Variants in RGPD3 observed in about 807,000 individuals in gnomAD.
RGPD3 encodes ranBP2-like and GRIP domain-containing protein 3.
Under a neutral mutation model 154.5 loss-of-function variants are expected in RGPD3, and 62 were observed. The observed-to-expected ratio is 0.40, with a 90% CI of 0.33 to 0.50. The LOEUF (loss-of-function observed/expected upper bound fraction) is 0.50. Ranked by LOEUF, RGPD3 falls within the 20% of genes least tolerant of loss-of-function variation. RGPD3 has a pLI of 0.59. For synonymous variants in RGPD3, 308 were observed against 607.0 expected (o/e 0.51, Z 7.24); for missense variants, 919 against 1,716.8 (o/e 0.54, Z 8.21).
intron 11 of RGPD3, 43 bp from the exon 12 acceptor site, chr2:106,436,289 C>T (rs770691060): frequency 3.7e-6 from 6 of 1,609,908 alleles, no homozygotes; most frequent in Non-Finnish European, 5.1e-6. Flanking sequence ...TCTAAATACA[C>T]AGTTCAGCGC....
In RGPD3 at chr2:106,423,763, C is replaced by T; in HGVS notation, c.4204G>A (p.Val1402Ile). The change falls in exon 20 of 23, where the codon GTA (valine) becomes ATA (isoleucine). Residue 1402 changes from valine (V) to isoleucine (I), a missense_variant. By Grantham distance (29) the Val-to-Ile change is conservative (BLOSUM62 3). Coordinates refer to ENST00000409886, the MANE Select transcript of RGPD3 (RefSeq NM_001144013.2). ...CTGTGATTGGCACAAAGTTTTAATACTTGGTCCCTTCTCATCAGTATACGA... is the reference window on the plus strand; with the variant it reads ...CTGTGATTGGCACAAAGTTTTAATATTTGGTCCCTTCTCATCAGTATACGA... ...HVRILMRRDQVLKLCANHRIT... is the reference protein window; with the variant it reads ...HVRILMRRDQILKLCANHRIT... 2 of 1,611,760 alleles carry T rather than the reference C, an allele frequency of 1.2e-6. No individual in the cohort carries two copies. The highest frequency in any genetic ancestry group is 1.7e-6 in the Non-Finnish European group (2 of 1,179,846).
At chr2:106,449,971 G>T (rs1338086564) in intron 6 of RGPD3, among the ~76,000 whole-genome samples, 2 of 149,634 alleles carry the variant, frequency 1.3e-5, no homozygotes, top group Non-Finnish European at 3.0e-5. Flanking sequence ...GAGCCGAGAT[G>T]GCGCCACTGC....
intron 6 of RGPD3, among the ~76,000 whole-genome samples, chr2:106,449,901 C>T (rs1678058372): frequency 6.6e-6 from 1 of 151,840 alleles, no homozygotes; most frequent in Non-Finnish European, 1.5e-5. Context: ...CCTGTAGGCC[C>T]AGCTACTCGG....
At chr2:106,446,495 G>C (rs1409174012) in intron 7 of RGPD3, among the ~76,000 whole-genome samples, 1 of 134,214 alleles carries the variant, frequency 7.5e-6, no homozygotes, top group South Asian at 2.7e-4. Context: ...GCGTGAACTC[G>C]GGAGGTGGAG....
At chr2:106,416,084 G>T in intron 20 of RGPD3, 95 bp from the exon 21 acceptor site, 1 of 1,538,632 alleles carries the variant, frequency 6.5e-7, no homozygotes, top group South Asian at 1.3e-5. Context: ...ATCTTACTAT[G>T]TGATATTTTA....
At chr2:106,448,652 A>G (rs1678007560) in intron 6 of RGPD3, among the ~76,000 whole-genome samples, 2 of 150,916 alleles carry the variant, frequency 1.3e-5, no homozygotes, top group South Asian at 2.1e-4. Flanking sequence ...AAAAATTTAT[A>G]TATTACATAC....
upstream of RGPD3, among the ~76,000 whole-genome samples, chr2:106,470,487 ACT>A (rs1359910440): frequency 6.6e-6 from 1 of 152,046 alleles, no homozygotes; most frequent in African/African-American, 2.4e-5. Flanking sequence ...CAACGATGGT[ACT>A]CTCTTTTCCA....
chr2:106,457,159 A>T (rs1678253939), intron 3 of RGPD3, 36 bp from the exon 4 acceptor site: 1 of 1,590,886 alleles, frequency 6.3e-7, no homozygotes, highest in African/African-American at 1.4e-5. Context: ...TTAGTAAATA[A>T]ATTGTATGTA....
At chr2:106,408,895 A>T (rs1475981656) in intron 22 of RGPD3, among the ~76,000 whole-genome samples, 2 of 151,458 alleles carry the variant, frequency 1.3e-5, no homozygotes, top group Admixed American at 6.6e-5. Context: ...CATGTTGCCC[A>T]GGCTGATTCT....
intron 1 of RGPD3, among the ~76,000 whole-genome samples, chr2:106,465,549 C>T (rs1171409470): frequency 3.1e-5 from 4 of 128,588 alleles, no homozygotes; most frequent in African/African-American, 1.2e-4. Flanking sequence ...CTCAGAAAGG[C>T]TCTAAGCTTG....
In RGPD3 at chr2:106,404,625, A is replaced by ATT. The variant is rs1676452315; in HGVS notation, c.*592_*593dup. Among the ~76,000 whole-genome samples the ATT allele has an allele frequency of 9.5e-6, 1 of 105,014 alleles. No homozygotes were observed. Among genetic ancestry groups the ATT allele is most frequent in the South Asian group, 3.5e-4 (1 of 2,858 alleles). The allele number at this position is 105,014 out of a possible 152,430, so 68.9% of individuals were successfully genotyped here. On this transcript the variant is annotated 3_prime_UTR_variant, in exon 23 of 23. Coordinates refer to ENST00000409886, the MANE Select transcript of RGPD3 (RefSeq NM_001144013.2). Reference sequence around the variant, plus strand: ...TAAATAGTCATAAAATGTTATTTTTATTACTATTATTATTTTTAGAGACAA... The same window carrying ATT: ...TAAATAGTCATAAAATGTTATTTTTATTTTACTATTATTATTTTTAGAGACAA...
chr2:106,425,085 A>C lies in RGPD3; in HGVS notation c.2882T>G (p.Val961Gly). The part of the protein sequence containing the change: ...DISGRKKGRG[V>G]IFGQTSSTFT... ...AGTGCTACTTGTTTGGCCAAAAATCACACCACGGCCCTTCTTCCGGCCACT... is the reference window on the plus strand; with the variant it reads ...AGTGCTACTTGTTTGGCCAAAAATCCCACCACGGCCCTTCTTCCGGCCACT... Residue 961 changes from valine (V) to glycine (G), a missense_variant, in exon 20 of 23, where the codon GTG becomes GGG. Transcript: ENST00000409886. 6.2e-7 allele frequency: 1 copy of C among 1,611,998 alleles called. No homozygotes were observed. The highest frequency in any genetic ancestry group is 8.5e-7 in the Non-Finnish European group (1 of 1,179,862).
chr2:106,430,109 C>G (rs1280056911), intron 17 of RGPD3, among the ~76,000 whole-genome samples: 1 of 149,860 alleles, frequency 6.7e-6, no homozygotes, highest in African/African-American at 2.4e-5. Flanking sequence ...GTCTTGAACT[C>G]CTGACCTCAA....
intron 7 of RGPD3, among the ~76,000 whole-genome samples, chr2:106,446,830 C>A (rs1221509791): frequency 6.6e-6 from 1 of 151,354 alleles, no homozygotes; most frequent in East Asian, 1.9e-4. Flanking sequence ...TGCAGTGAGC[C>A]GAGATCACGC....
At position 106,405,205 on chromosome 2, in the gene RGPD3, G is replaced by C; in HGVS notation, c.*14C>G. 6.2e-7 allele frequency: 1 copy of C among 1,609,338 alleles called. No individual in the cohort carries two copies. Among genetic ancestry groups the C allele is most frequent in the Non-Finnish European group, 8.5e-7 (1 of 1,178,732 alleles). ...ACGAAGATAGGATGCCCATCCAGAA[G>C]AACGGGAAGCATTTTATTCCTCACC... On this transcript the variant is annotated 3_prime_UTR_variant, in exon 23 of 23. Transcript: ENST00000409886.
chr2:106,410,739 C>A (rs1306235465), intron 22 of RGPD3, among the ~76,000 whole-genome samples: 1 of 151,868 alleles, frequency 6.6e-6, no homozygotes, highest in East Asian at 1.9e-4. Flanking sequence ...TAGATTTCTT[C>A]TTTTTTATAA....
At chr2:106,408,883 G>A (rs1263845295) in intron 22 of RGPD3, among the ~76,000 whole-genome samples, 21 of 150,946 alleles carry the variant, frequency 1.4e-4, no homozygotes, top group African/African-American at 4.6e-4. Flanking sequence ...ATAGGGTCTC[G>A]CCATGTTGCC....
rs1466678808 is a variant in RGPD3, at chr2:106,441,234, A to G, written c.1066+59T>C. On this transcript the variant is annotated intron_variant, in intron 8 of 22. Coordinates refer to ENST00000409886, the MANE Select transcript of RGPD3 (RefSeq NM_001144013.2). ...ACAGACTGAGATTTTATCATAAGAT[A>G]TGCCTTAACAGAAATTCCTTTTTCT... 4.5e-6 allele frequency: 7 copies of G among 1,572,950 alleles called. No individual in the cohort carries two copies. In the Admixed American group the frequency reaches 1.1e-4, roughly 24 times the overall value.
chr2:106,462,178 GC>G (rs1245799073), intron 1 of RGPD3, among the ~76,000 whole-genome samples: 22 of 152,098 alleles, frequency 1.4e-4, no homozygotes, highest in Admixed American at 1.4e-3. Context: ...ACGGAGCCCG[GC>G]CAGTTCCCCC....
Sources: allele counts gnomAD v4.1 joint callset (sites outside exome capture counted in the v4.1 genomes callset), GRCh38; gene constraint gnomAD v4.1.1; transcripts MANE v1.5; gene names NCBI Gene and HGNC (gene_info 2026-07-23, HGNC 2026-07-21).